The following DEFB123 variants were observed in gnomAD, a reference collection of about 807,000 sequenced individuals.
DEFB123 encodes the protein beta-defensin 123.
For synonymous variants in DEFB123, 22 were observed against 28.3 expected (o/e 0.78, Z 0.71); for missense variants, 71 against 75.0 (o/e 0.95, Z 0.20).
chr20:31,445,301 C>T (rs118121931), intron 1 of DEFB123, among the ~76,000 whole-genome samples: 2 of 152,122 alleles, frequency 1.3e-5, no homozygotes, highest in Non-Finnish European at 2.9e-5. Flanking sequence ...CAATGATGCT[C>T]AAAGCCTAGA....
chr20:31,450,231 ACT>A lies in DEFB123; in HGVS notation c.*60_*61del. Reference sequence around the variant, plus strand: ...GATGAAGCTCCCAGTGGATTCCCACACTCTATCAATAAACACCTCTGGCTGAT... The same window carrying A: ...GATGAAGCTCCCAGTGGATTCCCACACTATCAATAAACACCTCTGGCTGAT... On this transcript the variant is annotated 3_prime_UTR_variant, in exon 2 of 2. Coordinates refer to ENST00000376309, the MANE Select transcript of DEFB123 (RefSeq NM_153324.4). 1 of 1,546,694 alleles carries A rather than the reference ACT, an allele frequency of 6.5e-7. No individual in the cohort carries two copies. Among genetic ancestry groups the A allele is most frequent in the Non-Finnish European group, 8.7e-7 (1 of 1,152,236 alleles).
intron 1 of DEFB123, among the ~76,000 whole-genome samples, chr20:31,444,829 C>G (rs921386268): frequency 2.0e-4 from 30 of 152,260 alleles, no homozygotes; most frequent in African/African-American, 5.5e-4. Context: ...GAAAACGTCT[C>G]CACCTATTCC....
At chr20:31,447,458 A>G (rs146369028) in intron 1 of DEFB123, among the ~76,000 whole-genome samples, 3 of 150,754 alleles carry the variant, frequency 2.0e-5, no homozygotes, top group East Asian at 1.9e-4. Context: ...TCAGTGATCA[A>G]TGTTCTCCGT....
intron 1 of DEFB123, 109 bp downstream of exon 1, chr20:31,440,865 T>G (rs1243831278): frequency 7.3e-7 from 1 of 1,363,744 alleles, no homozygotes; most frequent in East Asian, 2.3e-5. Context: ...GCACCACGTA[T>G]AGGAGGCAGG....
intron 1 of DEFB123, among the ~76,000 whole-genome samples, chr20:31,446,478 T>C (rs1179665419): frequency 5.3e-5 from 8 of 152,254 alleles, no homozygotes; most frequent in Non-Finnish European, 1.2e-4. Flanking sequence ...CTTGCCGATA[T>C]GATTTCAAAT....
In DEFB123 at chr20:31,450,060, C is replaced by T. The variant is rs772380939; in HGVS notation, c.90C>T (p.Gly30=). The change falls in exon 2 of 2, where the codon GGC becomes GGT. Residue 30 remains glycine (G), a synonymous_variant. Coordinates refer to ENST00000376309, the MANE Select transcript of DEFB123 (RefSeq NM_153324.4). ...GGTQRCWNLY[G]KCRYRCSKKE... is the part of the protein sequence containing the mutation. ...CCCAAAGATGCTGGAATCTTTATGG[C>T]AAATGCCGTTACAGATGCTCCAAGA... 2.0e-5 allele frequency: 32 copies of T among 1,611,142 alleles called. No individual in the cohort carries two copies. Among genetic ancestry groups the T allele is most frequent in the Admixed American group, 3.4e-5 (2 of 59,532 alleles).
chr20:31,442,770 G>T (rs912700412), intron 1 of DEFB123, among the ~76,000 whole-genome samples: 1 of 151,904 alleles, frequency 6.6e-6, no homozygotes, highest in African/African-American at 2.4e-5. Flanking sequence ...AACCACGCCT[G>T]GCAAATTTTT....
Position 31,448,488 on chromosome 20 carries a change from A to G in DEFB123, c.59-1541A>G, listed in dbSNP as rs142298892. 4.1e-3 allele frequency among the ~76,000 whole-genome samples: 620 copies of G among 151,944 alleles called. 5 individuals carry two copies. The highest frequency in any genetic ancestry group is 0.014 in the African/African-American group (586 of 41,422). On this transcript the variant is annotated intron_variant, in intron 1 of 1. Transcript: ENST00000376309. ...TCCTTTTAGTATTCCAATTATATGC[A>G]TGTTAGACTACTTGTTATTGTCCCA...
In DEFB123 at chr20:31,445,046, A is replaced by T. The variant is rs956915748; in HGVS notation, c.58+4290A>T. Among the ~76,000 whole-genome samples the T allele has an allele frequency of 3.3e-5, 5 of 152,340 alleles. No homozygotes were observed. In the South Asian group the frequency reaches 1.0e-3, roughly 32 times the overall value. ...CATCCCTTTCTTATCTTTACAAGTT[A>T]TCTGTTGAAAAAACATAAGTCATTT... On this transcript the variant is annotated intron_variant, in intron 1 of 1. Coordinates refer to ENST00000376309, the MANE Select transcript of DEFB123 (RefSeq NM_153324.4).
intron 1 of DEFB123, among the ~76,000 whole-genome samples, chr20:31,449,767 CAAAAAAAAA>C (rs59939526): frequency 3.8e-5 from 2 of 52,484 alleles, no homozygotes; most frequent in African/African-American, 5.4e-5. Context: ...AGACTCATCT[CAAAAAAAAA>C]AAAAAAAAAA....
chr20:31,440,832 G>A, intron 1 of DEFB123, 76 bp downstream of exon 1: 1 of 1,574,532 alleles, frequency 6.4e-7, no homozygotes, highest in Non-Finnish European at 8.7e-7. Flanking sequence ...GGGCTAGAAG[G>A]ATGGGCTGCA....
Position 31,440,822 on chromosome 20 carries a change from G to T in DEFB123, c.58+66G>T, listed in dbSNP as rs546434728. 1.9e-6 allele frequency: 3 copies of T among 1,591,478 alleles called. No individual in the cohort carries two copies. The East Asian group carries it at 6.7e-5, about 36-fold the overall frequency. Reference sequence around the variant, plus strand: ...CTAAGGCCTGGTCAGAGAATCCCAAGGGCTAGAAGGATGGGCTGCAGGTTG... The same window carrying T: ...CTAAGGCCTGGTCAGAGAATCCCAATGGCTAGAAGGATGGGCTGCAGGTTG... On this transcript the variant is annotated intron_variant, in intron 1 of 1. Transcript: ENST00000376309.
intron 1 of DEFB123, 55 bp downstream of exon 1, chr20:31,440,811 G>C (rs1195005899): frequency 6.2e-7 from 1 of 1,603,060 alleles, no homozygotes; most frequent in Non-Finnish European, 8.5e-7. Flanking sequence ...GGCCTGGTCA[G>C]AGAATCCCAA....
At chr20:31,445,660 C>A (rs997102779) in intron 1 of DEFB123, among the ~76,000 whole-genome samples, 1 of 152,168 alleles carries the variant, frequency 6.6e-6, no homozygotes, top group African/African-American at 2.4e-5. Flanking sequence ...CTGCCTCAGC[C>A]TCCCAAGTAG....
intron 1 of DEFB123, among the ~76,000 whole-genome samples, chr20:31,442,897 C>T (rs1168759777): frequency 6.6e-6 from 1 of 152,132 alleles, no homozygotes; most frequent in Non-Finnish European, 1.5e-5. Context: ...CTTGAGCCAC[C>T]ATGCCCGGTC....
intron 1 of DEFB123, among the ~76,000 whole-genome samples, chr20:31,446,643 G>C (rs113858564): frequency 0.036 from 5,540 of 152,246 alleles, 340 homozygotes; most frequent in African/African-American, 0.13. Context: ...ACCAGGTCTT[G>C]AATTCGTTCT....
intron 1 of DEFB123, among the ~76,000 whole-genome samples, chr20:31,441,960 C>T (rs1218839769): frequency 2.0e-5 from 3 of 152,202 alleles, no homozygotes; most frequent in African/African-American, 7.2e-5. Context: ...ACATTGAACA[C>T]ACTGAAATTT....
chr20:31,445,211 G>T (rs1030746148), intron 1 of DEFB123, among the ~76,000 whole-genome samples: 2 of 152,136 alleles, frequency 1.3e-5, no homozygotes, highest in African/African-American at 4.8e-5. Context: ...TCCCATTTTG[G>T]CAGAACTTTC....
At chr20:31,445,165 G>A (rs1478516074) in intron 1 of DEFB123, among the ~76,000 whole-genome samples, 1 of 152,164 alleles carries the variant, frequency 6.6e-6, no homozygotes. Context: ...CTGCAAATCA[G>A]CACCTGTATC....
Sources: gnomAD v4.1 joint callset for allele counts (sites outside exome capture counted in the v4.1 genomes callset) on GRCh38, gnomAD v4.1.1 for gene constraint, MANE v1.5 for transcripts, NCBI Gene and HGNC (gene_info 2026-07-23, HGNC 2026-07-21) for gene names.